PLXNB3: variants seen among roughly 807,000 people sequenced by gnomAD.
The protein encoded by PLXNB3 is plexin-B3.
A neutral mutation model predicts 125.7 loss-of-function variants in PLXNB3; 80 were observed. The ratio of observed to expected loss-of-function variants is 0.64; its 90% CI spans 0.53 to 0.77. The LOEUF (loss-of-function observed/expected upper bound fraction) is 0.77, where lower values mean the gene tolerates loss of function less well. Among genes scored for constraint, PLXNB3 ranks in the 30% least tolerant of loss-of-function variants. The pLI is 0.00. For synonymous variants in PLXNB3, 954 were observed against 783.3 expected, an observed-to-expected ratio of 1.22 and a Z score of -3.64; for missense variants, 1,836 against 1,729.3, an observed-to-expected ratio of 1.06 and a Z score of -1.09.
At position 153,768,990 on chromosome X, in the gene PLXNB3, C is replaced by A. The variant is rs782347144; in HGVS notation, c.1309C>A (p.Gln437Lys). The A allele has an allele frequency of 3.3e-6, 4 of 1,210,895 alleles. No individual in the cohort carries two copies. The highest frequency in any genetic ancestry group is 2.3e-4 in the Middle Eastern group (1 of 4,344). Residue 437 changes from glutamine to lysine, a missense_variant, in exon 5 of 36, where the codon CAA becomes AAA. Transcript: ENST00000361971. Reference sequence around the variant, plus strand: ...CCAGGGCCAGGTTTACCACTCCCAGCAAGTGGGGCCTCCAGGCTCAGCCAT... The same window carrying A: ...CCAGGGCCAGGTTTACCACTCCCAGAAAGTGGGGCCTCCAGGCTCAGCCAT... The part of the protein sequence containing the change: ...GSQGQVYHSQ[Q>K]VGPPGSAISP...
rs782428598 is a variant in PLXNB3 at position 153,777,023 on chromosome X, TG to T, written c.4927+46del. The stretch of plus-strand genomic sequence containing the variant: ...GACCTGGGGCCACTGGAGTCCAGGC[TG>T]GGCAGGCAGAACTCCTGGCCATGCA... On this transcript the variant is annotated intron_variant, in intron 29 of 35. Coordinates refer to ENST00000361971, the MANE Select transcript of PLXNB3 (RefSeq NM_005393.3). 6 of 1,037,602 alleles carry T rather than the reference TG, an allele frequency of 5.8e-6. No homozygotes were observed. The African/African-American group carries it at 1.1e-4, about 19-fold the overall frequency. The allele number at this position is 1,037,602 out of a possible 1,213,427, so 85.5% of individuals were successfully genotyped here. A position where few individuals can be genotyped will look rare whatever the true frequency, so the allele number is the denominator to read the frequency against.
chrX:153,777,924 C>T, intron 31 of PLXNB3, 24 bp from the exon 32 acceptor site: 1 of 1,192,316 alleles, frequency 8.4e-7, no homozygotes. Context: ...GGGCCTCACG[C>T]CCACGCCTGC....
chrX:153,778,754 G>C (rs1451626958), intron 35 of PLXNB3, 80 bp downstream of exon 35: 4 of 1,119,066 alleles, frequency 3.6e-6, no homozygotes, highest in East Asian at 6.5e-5. Context: ...AGGGGTGCCA[G>C]CCCATGCTGG....
At chrX:153,770,496 C>T in intron 9 of PLXNB3, 32 bp from the exon 10 acceptor site, 1 of 1,201,870 alleles carries the variant, frequency 8.3e-7, no homozygotes, top group Non-Finnish European at 1.1e-6. Context: ...CCCCAGAGGG[C>T]ACTCAGTTGA....
Position 153,776,878 on chromosome X carries a change from C to G in PLXNB3, c.4834-9C>G, listed in dbSNP as rs1557064558. The G allele has an allele frequency of 1.7e-6, 2 of 1,168,723 alleles. No individual in the cohort carries two copies. The highest frequency in any genetic ancestry group is 2.3e-6 in the Non-Finnish European group (2 of 865,470). On this transcript the variant is annotated splice_polypyrimidine_tract_variant and intron_variant, in intron 28 of 35. Transcript: ENST00000361971. ...GGTCAGCACAGCCTCCGCTCCCCAT[C>G]TCTGCCAGGTCCCAGATGGAGCAAC...
rs1557064783 is a variant in PLXNB3 at position 153,777,309 on chromosome X, C to T, written c.5029C>T (p.Leu1677=). ...PEGAKVRCSS[L]REREPARAKA... Reference sequence around the variant, plus strand: ...AGGGGCCAAGGTGCGGTGCAGCAGCCTGCGGGAGCGCGAGCCAGCAAGGGC... The same window carrying T: ...AGGGGCCAAGGTGCGGTGCAGCAGCTTGCGGGAGCGCGAGCCAGCAAGGGC... Residue 1677 remains leucine, a synonymous_variant, in exon 30 of 36, where the codon CTG becomes TTG. Coordinates refer to ENST00000361971, the MANE Select transcript of PLXNB3 (RefSeq NM_005393.3). 2 of 1,206,271 alleles carry T rather than the reference C, an allele frequency of 1.7e-6. No individual in the cohort carries two copies. Among genetic ancestry groups the T allele is most frequent in the African/African-American group, 1.7e-5 (1 of 57,929 alleles).
rs782712006 is a variant in PLXNB3 at position 153,774,084 on chromosome X, G to C, written c.3505G>C (p.Val1169Leu). Residue 1169 changes from valine to leucine, a missense_variant, in exon 20 of 36, where the codon GTC becomes CTC. By Grantham distance (32) the Val-to-Leu change is conservative. Transcript: ENST00000361971. ...ARPYRLKPGHVLDVEGEGLNL... is the reference protein window; with the variant it reads ...ARPYRLKPGHLLDVEGEGLNL... ...CCCCTACCGCCTCAAGCCAGGCCAT[G>C]TCCTGGATGTGGAGGTGAGGGCCAC... 1 of 1,189,649 alleles carries C rather than the reference G, an allele frequency of 8.4e-7. No homozygotes were observed. The highest frequency in any genetic ancestry group is 1.1e-6 in the Non-Finnish European group (1 of 885,197).
In PLXNB3 at chrX:153,766,938, G is replaced by A. The variant is rs782401484; in HGVS notation, c.111G>A (p.Pro37=). 9.9e-6 allele frequency: 12 copies of A among 1,209,565 alleles called. No homozygotes were observed. Among genetic ancestry groups the A allele is most frequent in the Admixed American group, 6.5e-5 (3 of 45,996 alleles). ...LCLLLLLLSP[P]PLPLTGAHRF... ...TCCTCCTGCTGCTGCTGTCCCCACC[G>A]CCACTGCCCTTGACAGGGGCCCATC... The change falls in exon 3 of 36, where the codon CCG becomes CCA. Residue 37 remains proline, a synonymous_variant. Coordinates refer to ENST00000361971, the MANE Select transcript of PLXNB3 (RefSeq NM_005393.3).
chrX:153,767,233 C>T lies in PLXNB3; in HGVS notation c.406C>T (p.Arg136Trp), dbSNP rs187773877. The T allele has an allele frequency of 1.1e-5, 13 of 1,202,382 alleles. No homozygotes were observed. In the Middle Eastern group the frequency reaches 6.9e-4, roughly 64 times the overall value. The change falls in exon 3 of 36, where the codon CGG becomes TGG. Residue 136 changes from arginine to tryptophan, a missense_variant. By Grantham distance (101) the Arg-to-Trp change is moderately radical. Transcript: ENST00000361971. ...AQELVACGQV[R>W]QGVCETRRLG... ...GGAGCTGGTGGCCTGCGGGCAGGTG[C>T]GGCAGGGCGTGTGTGAGACACGGCG...
At position 153,774,061 on chromosome X, in the gene PLXNB3, C is replaced by T; in HGVS notation, c.3482C>T (p.Pro1161Leu). The change falls in exon 20 of 36, where the codon CCC becomes CTC. Residue 1161 changes from proline to leucine, a missense_variant. By Grantham distance (98) the Pro-to-Leu change is moderately conservative. Coordinates refer to ENST00000361971, the MANE Select transcript of PLXNB3 (RefSeq NM_005393.3). ...CTCAGCCGCGAGGGGCCTGCCCGCC[C>T]CTACCGCCTCAAGCCAGGCCATGTC... is the stretch of plus-strand genomic sequence containing the variant. Reference protein sequence around the residue: ...APLSREGPARPYRLKPGHVLD... With the variant: ...APLSREGPARLYRLKPGHVLD... 8.4e-7 allele frequency: 1 copy of T among 1,192,006 alleles called. No individual in the cohort carries two copies. The highest frequency in any genetic ancestry group is 1.1e-6 in the Non-Finnish European group (1 of 885,657).
chrX:153,769,770 GAC>G, intron 6 of PLXNB3, 35 bp from the exon 7 acceptor site: 1 of 1,185,696 alleles, frequency 8.4e-7, no homozygotes, highest in Non-Finnish European at 1.1e-6. Flanking sequence ...TGGAGTCTAG[GAC>G]CCCCACGGTG....
In PLXNB3 at chrX:153,774,025, G is replaced by T; in HGVS notation, c.3446G>T (p.Arg1149Leu). ...GGCTTCCTGTACCAGCCCAACCCCCGCCTGGCACCCCTCAGCCGCGAGGGG... is the reference window on the plus strand; with the variant it reads ...GGCTTCCTGTACCAGCCCAACCCCCTCCTGGCACCCCTCAGCCGCGAGGGG... ...GQGFLYQPNP[R>L]LAPLSREGPA... The change falls in exon 20 of 36, where the codon CGC (arginine) becomes CTC (leucine). Residue 1149 changes from arginine (R) to leucine (L), a missense_variant. Coordinates refer to ENST00000361971, the MANE Select transcript of PLXNB3 (RefSeq NM_005393.3). 1 of 1,201,056 alleles carries T rather than the reference G, an allele frequency of 8.3e-7. No homozygotes were observed. Among genetic ancestry groups the T allele is most frequent in the Non-Finnish European group, 1.1e-6 (1 of 889,737 alleles).
rs372277380 is a variant in PLXNB3 at position 153,775,874 on chromosome X, C to G, written c.4402-13C>G. 2.6e-4 allele frequency: 307 copies of G among 1,198,220 alleles called. No individual in the cohort carries two copies. Among genetic ancestry groups the G allele is most frequent in the Non-Finnish European group, 3.4e-4 (301 of 887,097 alleles). ...CCTCGCTTGGCTGATGCCGGCTCAT[C>G]TTGGCAGTGCAGGAGGTGGCTGGTG... On this transcript the variant is annotated splice_polypyrimidine_tract_variant and intron_variant, in intron 26 of 35. Coordinates refer to ENST00000361971, the MANE Select transcript of PLXNB3 (RefSeq NM_005393.3).
Position 153,774,271 on chromosome X carries a change from G to A in PLXNB3, c.3605G>A (p.Arg1202His), listed in dbSNP as rs376345505. Residue 1202 changes from arginine to histidine, a missense_variant, in exon 21 of 36, where the codon CGC (arginine) becomes CAC (histidine). Coordinates refer to ENST00000361971, the MANE Select transcript of PLXNB3 (RefSeq NM_005393.3). ...RGECLVKTLT[R>H]THLYCEPPAH... ...GAGTGCCTGGTGAAGACGCTCACGCGCACCCACCTGTACTGCGAGCCGCCT... is the reference window on the plus strand; with the variant it reads ...GAGTGCCTGGTGAAGACGCTCACGCACACCCACCTGTACTGCGAGCCGCCT... 3.1e-5 allele frequency: 37 copies of A among 1,177,018 alleles called. No homozygotes were observed. The highest frequency in any genetic ancestry group is 1.1e-4 in the African/African-American group (6 of 57,076).
At chrX:153,766,742 A>C (rs1603241164) in intron 2 of PLXNB3, 131 bp from the exon 3 acceptor site, 3 of 1,021,843 alleles carry the variant, frequency 2.9e-6, no homozygotes, top group East Asian at 3.6e-5. Flanking sequence ...ACTCTCTCTC[A>C]TTCTCCATCT....
At chrX:153,772,833 G>C (rs2091947855) in intron 16 of PLXNB3, 53 bp from the exon 17 acceptor site, 5 of 1,068,094 alleles carry the variant, frequency 4.7e-6, no homozygotes, top group East Asian at 3.6e-5. Flanking sequence ...GCCCAGGGGG[G>C]TGAAAGGGCC....
intron 20 of PLXNB3, 27 bp from the exon 21 acceptor site, chrX:153,774,159 C>G (rs1185583656): frequency 8.3e-7 from 1 of 1,200,709 alleles, no homozygotes; most frequent in Non-Finnish European, 1.1e-6. Context: ...TGGGGGCCAG[C>G]GGCTTAGGCT....
intron 17 of PLXNB3, 30 bp downstream of exon 17, chrX:153,773,046 G>A: frequency 8.7e-6 from 10 of 1,149,148 alleles, no homozygotes; most frequent in Non-Finnish European, 1.0e-5. Flanking sequence ...CCGTCGGGTG[G>A]TGGGCACTCC....
chrX:153,766,910 GCCT>G lies in PLXNB3; in HGVS notation c.90_92del (p.Leu34del). The G allele has an allele frequency of 3.3e-6, 4 of 1,206,970 alleles. No homozygotes were observed. Among genetic ancestry groups the G allele is most frequent in the Non-Finnish European group, 4.5e-6 (4 of 894,320 alleles). ...GCTCGCTGGCCTCCCTTCGGCCTCT[GCCT>G]CCTCCTGCTGCTGCTGTCCCCACCG... On this transcript the variant is annotated inframe_deletion, in exon 3 of 36. Coordinates refer to ENST00000361971, the MANE Select transcript of PLXNB3 (RefSeq NM_005393.3).
Sources: gnomAD v4.1 joint callset for allele counts on GRCh38, gnomAD v4.1.1 for gene constraint, MANE v1.5 for transcripts, NCBI Gene and HGNC (gene_info 2026-07-23, HGNC 2026-07-21) for gene names.